Variants in PRIM2 observed in about 807,000 individuals in gnomAD.
The protein encoded by PRIM2 is DNA primase large subunit.
PRIM2 carries 39 observed loss-of-function variants against 67.3 expected under a neutral mutation model. The observed-to-expected ratio is 0.58, with a 90% confidence interval of 0.45 to 0.76. The LOEUF (loss-of-function observed/expected upper bound fraction) is 0.76. PRIM2 is among the 30% of genes least tolerant of loss of function. The pLI, the probability that PRIM2 is intolerant of heterozygous loss-of-function variation, is 0.00. For synonymous variants in PRIM2, 143 were observed against 198.7 expected (o/e 0.72, Z 2.36); for missense variants, 398 against 598.7 (o/e 0.66, Z 3.50).
In PRIM2 at chr6:57,585,097, T is replaced by C. The variant is rs1267661758; in HGVS notation, c.1021-15996T>C. Among the ~76,000 whole-genome samples, 140 of 152,338 alleles carry C rather than the reference T, an allele frequency of 9.2e-4. 1 individual carries two copies. In the South Asian group the frequency reaches 0.027, roughly 30 times the overall value. ...AGCTGTGTTACAGACTTCAAATTGC[T>C]TAACTGATTTTTTTAAGCTCCTATG... On this transcript the variant is annotated intron_variant, in intron 10 of 13. Coordinates refer to ENST00000615550, the MANE Select transcript of PRIM2 (RefSeq NM_000947.5).
intron 7 of PRIM2, among the ~76,000 whole-genome samples, chr6:57,425,021 A>G (rs78526973): frequency 2.6e-5 from 4 of 152,208 alleles, no homozygotes; most frequent in Admixed American, 6.5e-5. Context: ...ATAAACATGT[A>G]TACACATATA....
At chr6:57,583,226 G>A (rs1776129632) in intron 10 of PRIM2, among the ~76,000 whole-genome samples, 1 of 148,214 alleles carries the variant, frequency 6.7e-6, no homozygotes, top group African/African-American at 2.5e-5. Flanking sequence ...TGTGCACAGT[G>A]TGCAGGTTTG....
intron 10 of PRIM2, among the ~76,000 whole-genome samples, chr6:57,590,070 T>G (rs1776259807): frequency 1.3e-5 from 2 of 152,166 alleles, no homozygotes; most frequent in South Asian, 4.1e-4. Flanking sequence ...GTAGATGCCT[T>G]TCAAACAAAG....
chr6:57,371,846 C>T (rs1329585505), intron 5 of PRIM2, among the ~76,000 whole-genome samples: 15 of 152,222 alleles, frequency 9.9e-5, no homozygotes, highest in South Asian at 6.2e-4. Flanking sequence ...TACTTCCTCT[C>T]AGATATTTTC....
chr6:57,382,354 T>C (rs945761877), intron 7 of PRIM2, 186 bp downstream of exon 7: 4 of 651,982 alleles, frequency 6.1e-6, no homozygotes, highest in East Asian at 3.1e-5. Flanking sequence ...CTATCCATAG[T>C]TGGTTTTTAA....
intron 10 of PRIM2, among the ~76,000 whole-genome samples, chr6:57,581,997 G>C (rs1776091954): frequency 6.6e-6 from 1 of 152,214 alleles, no homozygotes; most frequent in Non-Finnish European, 1.5e-5. Context: ...AACATGCCTA[G>C]CTAATTTTTT....
chr6:57,492,311 G>A (rs1554346031), intron 7 of PRIM2, among the ~76,000 whole-genome samples: 72 of 152,282 alleles, frequency 4.7e-4, no homozygotes, highest in African/African-American at 1.7e-3. Context: ...GGGAGGCCGA[G>A]GCGGGCAGAT....
At chr6:57,357,922 G>T (rs1351066355) in intron 5 of PRIM2, among the ~76,000 whole-genome samples, 2 of 151,968 alleles carry the variant, frequency 1.3e-5, no homozygotes, top group Admixed American at 6.6e-5. Flanking sequence ...GTACTTGAGG[G>T]TTATCACCCG....
intron 5 of PRIM2, among the ~76,000 whole-genome samples, chr6:57,360,647 G>A (rs1769165067): frequency 1.3e-5 from 2 of 152,152 alleles, no homozygotes; most frequent in African/African-American, 2.4e-5. Flanking sequence ...TGTGTTTGCT[G>A]CACAGCTTTC....
Position 57,397,157 on chromosome 6 carries a change from T to G in PRIM2, c.693+14989T>G, listed in dbSNP as rs1770543401. On this transcript the variant is annotated intron_variant, in intron 7 of 13. Transcript: ENST00000615550. ...TGAAAATGTGCCTAGGTGAAGATCT[T>G]TTTGTGATGGATTTCCTGGGTATTC... 3.9e-5 allele frequency among the ~76,000 whole-genome samples: 6 copies of G among 152,150 alleles called. No homozygotes were observed. In the South Asian group the frequency reaches 1.2e-3, roughly 32 times the overall value.
At chr6:57,274,140 A>T in the PRIM2 span, among the ~76,000 whole-genome samples, 3 of 152,016 alleles carry the variant, frequency 2.0e-5, 1 homozygote, top group South Asian at 6.2e-4. Context: ...GAGAACCACT[A>T]CTCTCTTCAA....
chr6:57,484,475 C>CACTTTTTTAA (rs1460437680), intron 7 of PRIM2, among the ~76,000 whole-genome samples: 1 of 152,190 alleles, frequency 6.6e-6, no homozygotes, highest in Non-Finnish European at 1.5e-5. Context: ...TTTCTTGTCA[C>CACTTTTTTAA]ACTCAGAGTT....
the PRIM2 span, among the ~76,000 whole-genome samples, chr6:57,276,140 A>G: frequency 3.3e-5 from 5 of 152,174 alleles, no homozygotes; most frequent in Non-Finnish European, 7.4e-5. Flanking sequence ...CTGTAATCCC[A>G]GCACTTTGGG....
intron 5 of PRIM2, among the ~76,000 whole-genome samples, chr6:57,339,963 A>G (rs1169412068): frequency 3.3e-5 from 5 of 151,996 alleles, no homozygotes. Context: ...CTCATCTGAC[A>G]AAGGGCTAAT....
chr6:57,625,047 G>A lies in PRIM2; in HGVS notation c.1231-7086G>A, dbSNP rs1176134972. Among the ~76,000 whole-genome samples the A allele has an allele frequency of 4.6e-5, 7 of 152,242 alleles. No individual in the cohort carries two copies. In the East Asian group the frequency reaches 5.8e-4, roughly 13 times the overall value. ...CCATGCGAACAGTATGGGGGAAACC[G>A]CCCACATGATTCAATTATCTCCCAC... On this transcript the variant is annotated intron_variant, in intron 12 of 13. Transcript: ENST00000615550.
the PRIM2 span, among the ~76,000 whole-genome samples, chr6:57,231,874 T>A: frequency 6.6e-6 from 1 of 151,294 alleles, no homozygotes; most frequent in South Asian, 2.1e-4. Context: ...AAACCACTAG[T>A]ACAATGAACT....
At chr6:57,396,818 A>G (rs561634274) in intron 7 of PRIM2, among the ~76,000 whole-genome samples, 6 of 152,212 alleles carry the variant, frequency 3.9e-5, no homozygotes, top group Non-Finnish European at 8.8e-5. Flanking sequence ...GATTTATTTC[A>G]AGATTTAGAG....
At chr6:57,482,323 T>C (rs1482712925) in intron 7 of PRIM2, among the ~76,000 whole-genome samples, 1 of 152,098 alleles carries the variant, frequency 6.6e-6, no homozygotes, top group African/African-American at 2.4e-5. Flanking sequence ...AAATCAAATA[T>C]AGAGGGACGA....
At chr6:57,513,787 T>A (rs1554347941) in intron 8 of PRIM2, among the ~76,000 whole-genome samples, 3 of 152,148 alleles carry the variant, frequency 2.0e-5, no homozygotes, top group Non-Finnish European at 4.4e-5. Flanking sequence ...GGCAGGAGAA[T>A]CACTTGAACC....
Sources: allele counts gnomAD v4.1 joint callset (sites outside exome capture counted in the v4.1 genomes callset), GRCh38; gene constraint gnomAD v4.1.1; transcripts MANE v1.5; gene names NCBI Gene and HGNC (gene_info 2026-07-23, HGNC 2026-07-21).